Variants in CLIC5 observed in about 807,000 individuals in gnomAD.
The protein encoded by CLIC5 is CLIC family member 5.
A neutral mutation model predicts 24.7 loss-of-function variants in CLIC5; 20 were observed. The ratio of observed to expected loss-of-function variants is 0.81; its 90% CI spans 0.57 to 1.18. The LOEUF (loss-of-function observed/expected upper bound fraction) is 1.18. Among genes scored for constraint, CLIC5 ranks in the 50% most tolerant of loss-of-function variants. CLIC5 has a pLI of 0.00. For missense variants in CLIC5, 341 were observed against 326.1 expected (o/e 1.05, Z -0.35); for synonymous variants, 159 against 135.6 (o/e 1.17, Z -1.20).
At chr6:46,070,207 TG>T (rs1326357559) in intron 1 of CLIC5, among the ~76,000 whole-genome samples, 2 of 152,158 alleles carry the variant, frequency 1.3e-5, no homozygotes, top group Non-Finnish European at 2.9e-5. Flanking sequence ...AACATAGTAT[TG>T]GAAGTTCTTG....
intron 1 of CLIC5, among the ~76,000 whole-genome samples, chr6:46,003,264 G>T (rs1008683844): frequency 6.6e-5 from 10 of 152,192 alleles, no homozygotes; most frequent in African/African-American, 2.4e-4. Context: ...GGACCAAAGA[G>T]GACTGAGGTG....
chr6:45,957,849 G>GACCATCTGAAACATCAACAGAGAAGA (rs1764697207), intron 1 of CLIC5, among the ~76,000 whole-genome samples: 1 of 152,084 alleles, frequency 6.6e-6, no homozygotes, highest in Admixed American at 6.6e-5. Context: ...GATCTGTGAC[G>GACCATCTGAAACATCAACAGAGAAGA]ACCATCTGAA....
At chr6:45,942,751 T>C (rs1229323768) in intron 3 of CLIC5, among the ~76,000 whole-genome samples, 1 of 152,258 alleles carries the variant, frequency 6.6e-6, no homozygotes, top group African/African-American at 2.4e-5. Flanking sequence ...TGAGCTAGGA[T>C]TCCTTTTGGG....
intron 1 of CLIC5, among the ~76,000 whole-genome samples, chr6:46,078,900 T>C (rs1430313917): frequency 1.3e-5 from 2 of 152,200 alleles, no homozygotes. Context: ...TGTAGGTTTA[T>C]AATCATTTTT....
intron 4 of CLIC5, chr6:45,920,244 G>A (rs1164599790): frequency 2.3e-5 from 23 of 984,114 alleles, no homozygotes; most frequent in Non-Finnish European, 1.6e-5. Context: ...TGAGTAGAGG[G>A]GCAACCATGA....
At chr6:46,059,776 C>T (rs1264462790) in intron 1 of CLIC5, among the ~76,000 whole-genome samples, 1 of 152,224 alleles carries the variant, frequency 6.6e-6, no homozygotes, top group African/African-American at 2.4e-5. Context: ...CCTTCCCATG[C>T]TGCCAGTCTG....
intron 1 of CLIC5, among the ~76,000 whole-genome samples, chr6:45,996,992 T>G (rs1434659211): frequency 2.6e-5 from 4 of 152,100 alleles, no homozygotes; most frequent in East Asian, 1.9e-4. Flanking sequence ...GACCCAGCCA[T>G]CCCATTACTG....
chr6:46,004,420 C>CCATGA (rs1417930312), intron 1 of CLIC5, among the ~76,000 whole-genome samples: 3 of 152,194 alleles, frequency 2.0e-5, no homozygotes, highest in Admixed American at 2.0e-4. Context: ...TGCAAACCTA[C>CCATGA]CATGATGTCC....
At chr6:46,004,819 C>A (rs767850326) in intron 1 of CLIC5, among the ~76,000 whole-genome samples, 1 of 152,140 alleles carries the variant, frequency 6.6e-6, no homozygotes, top group African/African-American at 2.4e-5. Flanking sequence ...GGAAGCCCTG[C>A]CCAGAACCTT....
At chr6:46,094,066 G>A in the CLIC5 span, among the ~76,000 whole-genome samples, 3 of 152,150 alleles carry the variant, frequency 2.0e-5, no homozygotes, top group African/African-American at 7.2e-5. Context: ...AGAGAGTAGC[G>A]GAGGTGCCAC....
At chr6:45,908,558 T>A (rs1762725012) in intron 5 of CLIC5, among the ~76,000 whole-genome samples, 1 of 152,222 alleles carries the variant, frequency 6.6e-6, no homozygotes. Context: ...GTGAGTTGTT[T>A]AATTTCATGT....
At chr6:46,078,443 C>T (rs1397429573) in intron 1 of CLIC5, among the ~76,000 whole-genome samples, 2 of 152,142 alleles carry the variant, frequency 1.3e-5, no homozygotes, top group Non-Finnish European at 2.9e-5. Context: ...GTGAATGCAC[C>T]TGTTCTAACA....
Position 45,901,463 on chromosome 6 carries a change from A to G in CLIC5, c.*1625T>C, listed in dbSNP as rs1434388903. Reference sequence around the variant, plus strand: ...GGATTGCTTGGGTTAGAATTTGTTGATATTTCTATGGAAAGGACCCGTGCT... The same window carrying G: ...GGATTGCTTGGGTTAGAATTTGTTGGTATTTCTATGGAAAGGACCCGTGCT... On this transcript the variant is annotated 3_prime_UTR_variant, in exon 6 of 6. Coordinates refer to ENST00000339561, the MANE Select transcript of CLIC5 (RefSeq NM_016929.5). The G allele has an allele frequency of 6.6e-6, 1 of 152,014 alleles. No individual in the cohort carries two copies. The highest frequency in any genetic ancestry group is 1.5e-5 in the Non-Finnish European group (1 of 68,006). 9.4% of individuals were successfully genotyped at this position (152,014 alleles called of 1,614,324 possible). A position where few individuals can be genotyped will look rare whatever the true frequency, so the allele number is the denominator to read the frequency against.
chr6:46,122,380 A>G, the CLIC5 span, among the ~76,000 whole-genome samples: 1 of 152,246 alleles, frequency 6.6e-6, no homozygotes, highest in African/African-American at 2.4e-5. Context: ...CTTTGAAACC[A>G]ATGAGAACAA....
chr6:45,933,557 G>A (rs1232730086), intron 4 of CLIC5, among the ~76,000 whole-genome samples: 1 of 152,236 alleles, frequency 6.6e-6, no homozygotes, highest in Non-Finnish European at 1.5e-5. Flanking sequence ...TCTTTCGGAA[G>A]TTAGAAGCAC....
Position 45,903,237 on chromosome 6 carries a change from G to A in CLIC5, c.607C>T (p.Arg203Cys), listed in dbSNP as rs750232438. The change falls in exon 6 of 6, where the codon CGC becomes TGC. Residue 203 changes from arginine to cysteine, a missense_variant. Physicochemically the swap from Arg to Cys is radical, Grantham distance 180 (BLOSUM62 -3). Coordinates refer to ENST00000339561, the MANE Select transcript of CLIC5 (RefSeq NM_016929.5). ...HVVKIVAKKY[R>C]NYDIPAEMTG... ...ATCTCAGCCGGGATATCATAGTTGC[G>A]GTATTTCTTGGCCACAATCTAAAAC... The A allele has an allele frequency of 1.0e-5, 16 of 1,595,160 alleles. No homozygotes were observed. Among genetic ancestry groups the A allele is most frequent in the Middle Eastern group, 1.7e-4 (1 of 5,980 alleles).
chr6:46,025,376 C>T (rs1767300998), intron 1 of CLIC5, among the ~76,000 whole-genome samples: 1 of 152,166 alleles, frequency 6.6e-6, no homozygotes, highest in Non-Finnish European at 1.5e-5. Flanking sequence ...CTGCAAACTT[C>T]AGTATGCGGG....
At chr6:45,940,387 T>G (rs1428671774) in intron 4 of CLIC5, among the ~76,000 whole-genome samples, 1 of 152,236 alleles carries the variant, frequency 6.6e-6, no homozygotes, top group East Asian at 1.9e-4. Context: ...TCTTTGGACC[T>G]CCAGAACCAA....
chr6:45,984,663 C>T (rs546765516), intron 1 of CLIC5, among the ~76,000 whole-genome samples: 5 of 152,156 alleles, frequency 3.3e-5, no homozygotes, highest in African/African-American at 2.4e-5. Context: ...GGTCTTCTTG[C>T]CTTCGCTGGG....
Sources: gnomAD v4.1 joint callset for allele counts (sites outside exome capture counted in the v4.1 genomes callset) on GRCh38, gnomAD v4.1.1 for gene constraint, MANE v1.5 for transcripts, NCBI Gene and HGNC (gene_info 2026-07-23, HGNC 2026-07-21) for gene names.